Variants in GRIN2A observed in about 807,000 individuals in gnomAD.
The protein encoded by GRIN2A is glutamate ionotropic receptor NMDA type subunit 2A.
Under a neutral mutation model 113.4 loss-of-function variants are expected in GRIN2A, and 22 were observed. That is an observed-to-expected ratio of 0.19 (90% CI 0.14 to 0.28). GRIN2A has a LOEUF of 0.28. Ranked by LOEUF, GRIN2A falls within the 10% of genes least tolerant of loss-of-function variation. The pLI is 1.00. For synonymous variants in GRIN2A, 827 were observed against 738.4 expected (o/e 1.12, Z -1.94); for missense variants, 1,502 against 1,887.0 (o/e 0.80, Z 3.78).
At chr16:9,905,460 G>C (rs558035021) in intron 3 of GRIN2A, among the ~76,000 whole-genome samples, 19 of 152,208 alleles carry the variant, frequency 1.2e-4, no homozygotes, top group South Asian at 1.0e-3. Context: ...TGATAACAGT[G>C]GTGAAAATCT....
intron 2 of GRIN2A, among the ~76,000 whole-genome samples, chr16:10,038,199 TCACAGTG>T (rs2047070314): frequency 6.6e-6 from 1 of 152,158 alleles, no homozygotes; most frequent in Non-Finnish European, 1.5e-5. Flanking sequence ...CACTGTGTCC[TCACAGTG>T]GAAGGGTCTA....
chr16:10,019,255 A>G (rs1346214937), intron 2 of GRIN2A, among the ~76,000 whole-genome samples: 2 of 152,330 alleles, frequency 1.3e-5, no homozygotes, highest in African/African-American at 4.8e-5. Context: ...CATTTGACAC[A>G]GTGTCTGGCA....
At chr16:9,940,091 G>C (rs2044834669) in intron 2 of GRIN2A, among the ~76,000 whole-genome samples, 2 of 133,122 alleles carry the variant, frequency 1.5e-5, no homozygotes, top group African/African-American at 2.8e-5. Context: ...TGTGTGAAAG[G>C]TGGATGTTCC....
At chr16:9,845,866 T>C (rs1044071492) in intron 5 of GRIN2A, among the ~76,000 whole-genome samples, 1 of 152,242 alleles carries the variant, frequency 6.6e-6, no homozygotes, top group African/African-American at 2.4e-5. Context: ...CACCCATTTC[T>C]TCCTGGTCGA....
In GRIN2A at chr16:9,829,645, A is replaced by G. The variant is rs2042451330; in HGVS notation, c.1785T>C (p.His595=). The G allele has an allele frequency of 6.2e-7, 1 of 1,610,526 alleles. No individual in the cohort carries two copies. Among genetic ancestry groups the G allele is most frequent in the Admixed American group, 1.7e-5 (1 of 59,994 alleles). The change falls in exon 9 of 13, where the codon CAT becomes CAC. Residue 595 remains histidine, a synonymous_variant. Transcript: ENST00000330684. ...CTTTTCCAATTGTAAAAGAAGGCCC[A>G]TGGGGTGCTGCAGAAGATGAAAAGG... The part of the protein sequence containing the change: ...NRNLAKGKAP[H]GPSFTIGKAI...
chr16:10,081,349 T>C (rs1470529450), intron 2 of GRIN2A, among the ~76,000 whole-genome samples: 1 of 152,214 alleles, frequency 6.6e-6, no homozygotes, highest in Non-Finnish European at 1.5e-5. Context: ...TCTCAGCTTG[T>C]GCTTCTAAGT....
At chr16:10,032,260 G>T (rs763212553) in intron 2 of GRIN2A, among the ~76,000 whole-genome samples, 1 of 152,200 alleles carries the variant, frequency 6.6e-6, no homozygotes, top group Non-Finnish European at 1.5e-5. Flanking sequence ...CTTGGGTAAC[G>T]ATGGCTATGC....
At chr16:10,018,095 G>A (rs1194501356) in intron 2 of GRIN2A, among the ~76,000 whole-genome samples, 1 of 152,268 alleles carries the variant, frequency 6.6e-6, no homozygotes, top group East Asian at 1.9e-4. Context: ...TCTACGATGA[G>A]AGTAGTTACT....
chr16:9,985,054 ACAC>A (rs1261939519), intron 2 of GRIN2A, among the ~76,000 whole-genome samples: 3 of 152,046 alleles, frequency 2.0e-5, no homozygotes, highest in Admixed American at 6.6e-5. Context: ...ACACACACAC[ACAC>A]CGAGTAACTT....
chr16:10,107,254 G>C (rs2048517845), intron 2 of GRIN2A, among the ~76,000 whole-genome samples: 1 of 152,178 alleles, frequency 6.6e-6, no homozygotes, highest in Non-Finnish European at 1.5e-5. Context: ...TGCCATTTCA[G>C]CACTAGATAA....
At chr16:10,002,851 A>T (rs780053168) in intron 2 of GRIN2A, among the ~76,000 whole-genome samples, 1 of 152,230 alleles carries the variant, frequency 6.6e-6, no homozygotes, top group Non-Finnish European at 1.5e-5. Context: ...CACATTTGTG[A>T]ACGAGAGTCA....
intron 2 of GRIN2A, among the ~76,000 whole-genome samples, chr16:10,028,795 A>G (rs1567244120): frequency 1.3e-5 from 2 of 152,226 alleles, no homozygotes; most frequent in Non-Finnish European, 2.9e-5. Context: ...CTCTGTTATC[A>G]TAGCATAAAA....
intron 2 of GRIN2A, among the ~76,000 whole-genome samples, chr16:9,951,137 T>C (rs1396615814): frequency 6.6e-6 from 1 of 152,092 alleles, no homozygotes; most frequent in Non-Finnish European, 1.5e-5. Context: ...CCCAGCACAG[T>C]GCTTCCTCCA....
chr16:10,102,889 G>A (rs1427455720), intron 2 of GRIN2A, among the ~76,000 whole-genome samples: 1 of 152,174 alleles, frequency 6.6e-6, no homozygotes, highest in Non-Finnish European at 1.5e-5. Flanking sequence ...GATCACTCTT[G>A]CACTGGGGCA....
intron 11 of GRIN2A, among the ~76,000 whole-genome samples, chr16:9,788,818 C>A (rs1249803597): frequency 6.6e-6 from 1 of 150,796 alleles, no homozygotes; most frequent in Non-Finnish European, 1.5e-5. Flanking sequence ...ACTCGACTCA[C>A]TGCAAACTCC....
At chr16:10,045,178 G>A (rs1382230796) in intron 2 of GRIN2A, among the ~76,000 whole-genome samples, 1 of 152,162 alleles carries the variant, frequency 6.6e-6, no homozygotes, top group Non-Finnish European at 1.5e-5. Context: ...CATCACCAGG[G>A]TGCAGACATG....
intron 2 of GRIN2A, among the ~76,000 whole-genome samples, chr16:9,991,969 A>G (rs1381172137): frequency 6.6e-6 from 1 of 152,198 alleles, no homozygotes; most frequent in Non-Finnish European, 1.5e-5. Flanking sequence ...TAAAACCTAG[A>G]TGATGGGTTG....
At position 9,783,982 on chromosome 16, in the gene GRIN2A, A is replaced by G. The variant is rs368896201; in HGVS notation, c.2356+14295T>C. Among the ~76,000 whole-genome samples, 189 of 152,184 alleles carry G rather than the reference A, an allele frequency of 1.2e-3. 1 individual carries two copies. The highest frequency in any genetic ancestry group is 4.1e-3 in the African/African-American group (169 of 41,530). On this transcript the variant is annotated intron_variant, in intron 11 of 12. Transcript: ENST00000330684. ...TGGGGCCTAATGGAGGGTGGAGGAT[A>G]GGAGGAGGGAGAGGATCAGGAAAAA...
intron 8 of GRIN2A, among the ~76,000 whole-genome samples, chr16:9,830,480 C>CAA (rs71400501): frequency 0.035 from 2,553 of 72,990 alleles, 84 homozygotes; most frequent in African/African-American, 0.099. Flanking sequence ...TCTGCATGGG[C>CAA]AAAAAAAAAA....
Sources: allele counts gnomAD v4.1 joint callset (sites outside exome capture counted in the v4.1 genomes callset), GRCh38; gene constraint gnomAD v4.1.1; transcripts MANE v1.5; gene names NCBI Gene and HGNC (gene_info 2026-07-23, HGNC 2026-07-21).